The following ZNF564 variants were observed in gnomAD, a reference collection of about 807,000 sequenced individuals.
ZNF564 encodes zinc finger protein 564.
In ZNF564, 5 loss-of-function variants were observed where a neutral mutation model predicts 10.5. The observed-to-expected ratio is 0.48, with a 90% CI of 0.25 to 1.00. The LOEUF is 1.00. ZNF564 is among the 50% of genes least tolerant of loss of function. The probability of loss-of-function intolerance (pLI) is 0.16; values close to 1 mark genes in which losing one functional copy is unlikely to be tolerated. For synonymous variants in ZNF564, 242 were observed against 218.1 expected, an observed-to-expected ratio of 1.11 and a Z score of -0.97; for missense variants, 603 against 669.7, an observed-to-expected ratio of 0.90 and a Z score of 1.10.
chr19:12,525,932 GA>G lies in ZNF564; in HGVS notation c.*513del. 1 of 153,380 alleles carries G rather than the reference GA, an allele frequency of 6.5e-6. No individual in the cohort carries two copies. The highest frequency in any genetic ancestry group is 1.9e-4 in the East Asian group (1 of 5,208). The allele number at this position is 153,380 out of a possible 1,614,324, so 9.5% of individuals were successfully genotyped here. A position where few individuals can be genotyped will look rare whatever the true frequency, so the allele number is the denominator to read the frequency against. On this transcript the variant is annotated 3_prime_UTR_variant, in exon 4 of 4. Coordinates refer to ENST00000339282, the MANE Select transcript of ZNF564 (RefSeq NM_144976.4). ...CCAATTACAAGGCCTCCATCTTCAT[GA>G]TGTCCTCCAATCCTAAAAACCACCA... is the stretch of plus-strand genomic sequence containing the variant.
At chr19:12,541,569 A>C (rs1376812590) in intron 1 of ZNF564, 1 of 151,912 alleles carries the variant, frequency 6.6e-6, no homozygotes, top group Non-Finnish European at 1.5e-5. Context: ...AAAAAAATCA[A>C]ATTAGGAAGC....
chr19:12,550,558 A>T, intron 1 of ZNF564: 1 of 223,238 alleles, frequency 4.5e-6, no homozygotes, highest in Non-Finnish European at 1.0e-5. Context: ...CAGGAGGCTG[A>T]GGCAGGAGAA....
chr19:12,551,452 C>T lies in ZNF564; in HGVS notation c.-120G>A. ...GCCACTGGAGAAGCGGAGACCGGAA[C>T]CCAAACGCAGCGGACACGAAACAGG... is the stretch of plus-strand genomic sequence containing the variant. On this transcript the variant is annotated 5_prime_UTR_variant, in exon 1 of 4. Coordinates refer to ENST00000339282, the MANE Select transcript of ZNF564 (RefSeq NM_144976.4). 2 of 1,432,322 alleles carry T rather than the reference C, an allele frequency of 1.4e-6. No homozygotes were observed. Among genetic ancestry groups the T allele is most frequent in the Non-Finnish European group, 1.8e-6 (2 of 1,092,120 alleles). 88.7% of individuals were successfully genotyped at this position (1,432,322 alleles called of 1,614,324 possible).
chr19:12,540,743 AC>A (rs1289293952), intron 1 of ZNF564, among the ~76,000 whole-genome samples: 1 of 151,712 alleles, frequency 6.6e-6, no homozygotes, highest in Admixed American at 6.6e-5. Flanking sequence ...AGTCCCAGCT[AC>A]TCGGGAGGCT....
At chr19:12,535,256 C>T (rs1049226536) in intron 1 of ZNF564, among the ~76,000 whole-genome samples, 2 of 152,094 alleles carry the variant, frequency 1.3e-5, no homozygotes, top group Admixed American at 1.3e-4. Flanking sequence ...ACCTGTAATC[C>T]CAGCTACTCA....
intron 1 of ZNF564, among the ~76,000 whole-genome samples, chr19:12,547,937 G>A (rs991842731): frequency 1.5e-4 from 22 of 149,222 alleles, no homozygotes; most frequent in Non-Finnish European, 2.2e-4. Flanking sequence ...TCAGCCTCCC[G>A]AGTAGCTGGG....
chr19:12,527,512 C>G lies in ZNF564; in HGVS notation c.596G>C (p.Cys199Ser), dbSNP rs745588698. The stretch of plus-strand genomic sequence containing the variant: ...ATCAAAGGCTTTCCCACATTCCTGA[C>G]ATTTATATGGTCCATCTCCAGTGTG... ...IKHTGDGPYK[C>S]QECGKAFDRP... is the part of the protein sequence containing the mutation. The change falls in exon 4 of 4, where the codon TGT (cysteine) becomes TCT (serine). Residue 199 changes from cysteine (C) to serine (S), a missense_variant. Physicochemically the swap from Cys to Ser is moderately radical, Grantham distance 112. Transcript: ENST00000339282. 1 of 1,614,096 alleles carries G rather than the reference C, an allele frequency of 6.2e-7. No individual in the cohort carries two copies. The highest frequency in any genetic ancestry group is 2.2e-5 in the East Asian group (1 of 44,874).
At chr19:12,547,981 T>C (rs1332163226) in intron 1 of ZNF564, among the ~76,000 whole-genome samples, 1 of 151,700 alleles carries the variant, frequency 6.6e-6, no homozygotes, top group Non-Finnish European at 1.5e-5. Flanking sequence ...CCGGCTAATT[T>C]TGTATTTTTA....
At position 12,540,180 on chromosome 19, in the gene ZNF564, G is replaced by A. The variant is rs536988243; in HGVS notation, c.3+11150C>T. ...ATAACACTGGCCCCATCTGGAAAGA[G>A]AATGGATGATTTGGCTTCTAGGAAT... On this transcript the variant is annotated intron_variant, in intron 1 of 3. Coordinates refer to ENST00000339282, the MANE Select transcript of ZNF564 (RefSeq NM_144976.4). Among the ~76,000 whole-genome samples, 3 of 152,312 alleles carry A rather than the reference G, an allele frequency of 2.0e-5. No individual in the cohort carries two copies. The South Asian group carries it at 6.2e-4, about 32-fold the overall frequency.
intron 1 of ZNF564, among the ~76,000 whole-genome samples, chr19:12,545,048 C>T (rs1051670793): frequency 6.6e-6 from 1 of 152,182 alleles, no homozygotes; most frequent in Non-Finnish European, 1.5e-5. Flanking sequence ...CACCTGAGGT[C>T]AGGAGTTTGA....
At chr19:12,538,364 G>A (rs933982612) in intron 1 of ZNF564, among the ~76,000 whole-genome samples, 1 of 151,432 alleles carries the variant, frequency 6.6e-6, no homozygotes, top group African/African-American at 2.4e-5. Context: ...AGTGGCTCAC[G>A]CCTGTAATCC....
At position 12,551,414 on chromosome 19, in the gene ZNF564, T is replaced by G. The variant is rs1599291214; in HGVS notation, c.-82A>C. On this transcript the variant is annotated 5_prime_UTR_variant, in exon 1 of 4. Coordinates refer to ENST00000339282, the MANE Select transcript of ZNF564 (RefSeq NM_144976.4). ...GGTCCCAGCGCGCCAGACGCTGCGG[T>G]GGAGCCACCGGGGCCACTGGAGAAG... 1 of 1,479,568 alleles carries G rather than the reference T, an allele frequency of 6.8e-7. No homozygotes were observed. The highest frequency in any genetic ancestry group is 2.7e-5 in the East Asian group (1 of 37,046). The allele number at this position is 1,479,568 out of a possible 1,614,324, so 91.7% of individuals were successfully genotyped here.
At position 12,526,513 on chromosome 19, in the gene ZNF564, G is replaced by A; in HGVS notation, c.1595C>T (p.Pro532Leu). Reference protein sequence around the residue: ...RHERAHNGDKPYVKNVGKLSF... With the variant: ...RHERAHNGDKLYVKNVGKLSF... ...AAGCTTTCCCACATTCTTTACGTAAGGTTTATCTCCATTATGAGCTCTTTC... is the reference window on the plus strand; with the variant it reads ...AAGCTTTCCCACATTCTTTACGTAAAGTTTATCTCCATTATGAGCTCTTTC... The change falls in exon 4 of 4, where the codon CCT (proline) becomes CTT (leucine). Residue 532 changes from proline to leucine, a missense_variant. Coordinates refer to ENST00000339282, the MANE Select transcript of ZNF564 (RefSeq NM_144976.4). The A allele has an allele frequency of 6.2e-7, 1 of 1,610,662 alleles. No homozygotes were observed. The highest frequency in any genetic ancestry group is 8.5e-7 in the Non-Finnish European group (1 of 1,179,184).
Position 12,526,195 on chromosome 19 carries a change from T to C in ZNF564, c.*251A>G. ...CTCAAACTCCAAAGTGTCATCTCAATATCACATCACTCAGATATGGATGAG... is the reference window on the plus strand; with the variant it reads ...CTCAAACTCCAAAGTGTCATCTCAACATCACATCACTCAGATATGGATGAG... On this transcript the variant is annotated 3_prime_UTR_variant, in exon 4 of 4. Transcript: ENST00000339282. The C allele has an allele frequency of 2.7e-6, 1 of 376,332 alleles. No homozygotes were observed. The highest frequency in any genetic ancestry group is 4.8e-6 in the Non-Finnish European group (1 of 209,240). 23.3% of individuals were successfully genotyped at this position (376,332 alleles called of 1,614,324 possible). A position where few individuals can be genotyped will look rare whatever the true frequency, so the allele number is the denominator to read the frequency against.
intron 1 of ZNF564, among the ~76,000 whole-genome samples, chr19:12,531,965 G>T (rs1420635252): frequency 6.6e-6 from 1 of 152,104 alleles, no homozygotes; most frequent in Non-Finnish European, 1.5e-5. Context: ...AAAGTAAAGG[G>T]ATAGGGAAAT....
At chr19:12,529,056 C>CT (rs1200237520) in intron 1 of ZNF564, among the ~76,000 whole-genome samples, 42 of 152,236 alleles carry the variant, frequency 2.8e-4, no homozygotes, top group Non-Finnish European at 1.5e-4. Context: ...CAGAGAGAGA[C>CT]CCCATCTCAA....
intron 1 of ZNF564, among the ~76,000 whole-genome samples, chr19:12,535,660 A>G (rs1023306290): frequency 8.5e-5 from 13 of 152,200 alleles, no homozygotes; most frequent in African/African-American, 3.1e-4. Flanking sequence ...AAATGTAAAC[A>G]TTAATGCATC....
chr19:12,542,931 G>A (rs1470516435), intron 1 of ZNF564, among the ~76,000 whole-genome samples: 1 of 152,054 alleles, frequency 6.6e-6, no homozygotes, highest in African/African-American at 2.4e-5. Flanking sequence ...GAATCCCGGA[G>A]GCAGAGTTTG....
intron 1 of ZNF564, among the ~76,000 whole-genome samples, chr19:12,540,757 G>A (rs1417699768): frequency 6.6e-6 from 1 of 152,048 alleles, no homozygotes; most frequent in Non-Finnish European, 1.5e-5. Flanking sequence ...GGGAGGCTGA[G>A]GCAGAAGAAT....
Sources: gnomAD v4.1 joint callset for allele counts (sites outside exome capture counted in the v4.1 genomes callset) on GRCh38, gnomAD v4.1.1 for gene constraint, MANE v1.5 for transcripts, NCBI Gene and HGNC (gene_info 2026-07-23, HGNC 2026-07-21) for gene names.